SPTAN1: variants seen among roughly 807,000 people sequenced by gnomAD.
SPTAN1 encodes spectrin alpha chain, non-erythrocytic 1.
Under a neutral mutation model 331.3 loss-of-function variants are expected in SPTAN1, and 61 were observed. The observed-to-expected ratio is 0.18, with a 90% CI of 0.15 to 0.23. The LOEUF is 0.23. SPTAN1 is among the 10% of genes least tolerant of loss of function. The probability of loss-of-function intolerance (pLI) is 1.00; values close to 1 mark genes in which losing one functional copy is unlikely to be tolerated. For missense variants in SPTAN1, 2,043 were observed against 3,147.9 expected, an observed-to-expected ratio of 0.65 and a Z score of 8.40; for synonymous variants, 1,153 against 1,173.9, an observed-to-expected ratio of 0.98 and a Z score of 0.36.
Position 128,612,280 on chromosome 9 carries a change from G to A in SPTAN1, c.5043+34G>A, listed in dbSNP as rs1468550603. 3.1e-6 allele frequency: 5 copies of A among 1,613,844 alleles called. No homozygotes were observed. In the African/African-American group the frequency reaches 6.7e-5, roughly 22 times the overall value. On this transcript the variant is annotated intron_variant, in intron 39 of 56. Coordinates refer to ENST00000372739, the MANE Select transcript of SPTAN1 (RefSeq NM_001130438.3). ...GAGTGGTTCCTCTTCCTACCAGTGG[G>A]GGATTTCTAGTCATTTGGCACAGTG...
chr9:128,573,264 T>C (rs1365169653), intron 3 of SPTAN1, among the ~76,000 whole-genome samples: 2 of 152,230 alleles, frequency 1.3e-5, no homozygotes, highest in African/African-American at 4.8e-5. Context: ...AAGTCCTTAC[T>C]GGGCCTGTGT....
chr9:128,566,643 A>G (rs749896543), intron 1 of SPTAN1, 95 bp from the exon 2 acceptor site: 23 of 1,564,268 alleles, frequency 1.5e-5, no homozygotes, highest in Non-Finnish European at 1.8e-5. Flanking sequence ...TCCTGGGTTT[A>G]TCTGATAATT....
chr9:128,627,128 T>C lies in SPTAN1; in HGVS notation c.6577-258T>C. 2 of 601,998 alleles carry C rather than the reference T, an allele frequency of 3.3e-6. No individual in the cohort carries two copies. The highest frequency in any genetic ancestry group is 6.2e-6 in the Non-Finnish European group (2 of 323,836). The allele number at this position is 601,998 out of a possible 1,614,324, so 37.3% of individuals were successfully genotyped here. On this transcript the variant is annotated intron_variant, in intron 49 of 56. Transcript: ENST00000372739. This position sits in a 1 kb window ranked among gnomAD's most constrained non-coding sequence, Gnocchi z 4.9. The stretch of plus-strand genomic sequence containing the variant: ...GTACCCAGCCAGAAGTTTCCATTTC[T>C]GACAGTCCAGCAACTCCCTGCTTGA...
chr9:128,632,373 A>G, intron 53 of SPTAN1, 50 bp downstream of exon 53: 2 of 1,613,424 alleles, frequency 1.2e-6, no homozygotes, highest in Non-Finnish European at 1.7e-6. Context: ...GGGGGAGGAA[A>G]AGACACAGTC....
intron 1 of SPTAN1, among the ~76,000 whole-genome samples, chr9:128,563,715 C>CTTT (rs532597370): frequency 1.5e-5 from 2 of 133,534 alleles, no homozygotes; most frequent in African/African-American, 2.7e-5. Context: ...TCAACCATTT[C>CTTT]TTTTTTTTTT....
Position 128,627,465 on chromosome 9 carries a change from C to T in SPTAN1, c.6656C>T (p.Ala2219Val). Reference protein sequence around the residue: ...DKLRQEFAQHANAFHQWIQET... With the variant: ...DKLRQEFAQHVNAFHQWIQET... ...CTGCGCCAGGAGTTTGCCCAGCACG[C>T]CAACGCCTTCCACCAGTGGATCCAA... Residue 2219 changes from alanine to valine, a missense_variant, in exon 50 of 57, where the codon GCC becomes GTC. Coordinates refer to ENST00000372739, the MANE Select transcript of SPTAN1 (RefSeq NM_001130438.3). This position sits in a 1 kb window ranked among gnomAD's most constrained non-coding sequence, Gnocchi z 4.9. The T allele has an allele frequency of 6.4e-7, 1 of 1,551,132 alleles. No individual in the cohort carries two copies. The highest frequency in any genetic ancestry group is 8.7e-7 in the Non-Finnish European group (1 of 1,147,070).
chr9:128,630,626 T>TC, intron 52 of SPTAN1: 1 of 299,876 alleles, frequency 3.3e-6, no homozygotes, highest in Non-Finnish European at 5.7e-6. Context: ...ACCTCCCAGG[T>TC]CAAGCAATTC....
chr9:128,570,328 ATATTTTTTTTTTTT>A (rs1850538385), intron 3 of SPTAN1, among the ~76,000 whole-genome samples: 2 of 73,598 alleles, frequency 2.7e-5, no homozygotes, highest in African/African-American at 5.8e-5. Context: ...ATATATATAT[ATATTTTTTTTTTTT>A]TTTTTTTTTT....
Position 128,611,706 on chromosome 9 carries a change from A to G in SPTAN1, c.4774-8A>G. 1.9e-6 allele frequency: 3 copies of G among 1,613,834 alleles called. No homozygotes were observed. The highest frequency in any genetic ancestry group is 1.7e-6 in the Non-Finnish European group (2 of 1,179,984). ...CTGGTTTGGAAAAAATTTTTTTGGTATTTTTAGAGCAAGCACCAGAAGCAC... is the reference window on the plus strand; with the variant it reads ...CTGGTTTGGAAAAAATTTTTTTGGTGTTTTTAGAGCAAGCACCAGAAGCAC... On this transcript the variant is annotated splice_polypyrimidine_tract_variant and splice_region_variant and intron_variant, in intron 37 of 56. Transcript: ENST00000372739.
Position 128,627,544 on chromosome 9 carries a change from A to T in SPTAN1, c.6689+46A>T. On this transcript the variant is annotated intron_variant, in intron 50 of 56. Transcript: ENST00000372739. The surrounding 1 kb of genome is among the most constrained non-coding windows in gnomAD (Gnocchi z 4.9). ...GGGAGCAGCAGCATGTCCCTGCTGT[A>T]CTTAAGCCCTGGGGAGCTTCCAGCC... 6.7e-7 allele frequency: 1 copy of T among 1,502,178 alleles called. No individual in the cohort carries two copies. 93.1% of individuals were successfully genotyped at this position (1,502,178 alleles called of 1,614,324 possible).
rs569240602 is a variant in SPTAN1, at chr9:128,599,941, GA to G, written c.3544-138del. 1.2e-4 allele frequency: 109 copies of G among 873,796 alleles called. No homozygotes were observed. The African/African-American group carries it at 1.6e-3, about 12-fold the overall frequency. 54.1% of individuals were successfully genotyped at this position (873,796 alleles called of 1,614,324 possible). ...GTAGTTTGTTACCAGCCAAACTATG[GA>G]GGGAAAATGCTGTTTTGGTTAATGT... On this transcript the variant is annotated intron_variant, in intron 26 of 56. Coordinates refer to ENST00000372739, the MANE Select transcript of SPTAN1 (RefSeq NM_001130438.3).
chr9:128,618,945 A>T lies in SPTAN1; in HGVS notation c.5675A>T (p.Asn1892Ile), dbSNP rs1425744048. 6.2e-7 allele frequency: 1 copy of T among 1,614,144 alleles called. No homozygotes were observed. Among genetic ancestry groups the T allele is most frequent in the Non-Finnish European group, 8.5e-7 (1 of 1,180,000 alleles). The change falls in exon 44 of 57, where the codon AAT becomes ATT. Residue 1892 changes from asparagine to isoleucine, a missense_variant. Around this residue, in one of 12 missense-constraint regions of SPTAN1, gnomAD observed 323 missense variants for 581.1 expected, o/e 0.56. Transcript: ENST00000372739. The part of the protein sequence containing the change: ...ANVEEEEAWI[N>I]EKMTLVASED... ...GTGGAAGAGGAAGAAGCCTGGATCAATGAGAAAATGACCCTGGTGGCCAGC... is the reference window on the plus strand; with the variant it reads ...GTGGAAGAGGAAGAAGCCTGGATCATTGAGAAAATGACCCTGGTGGCCAGC...
In SPTAN1 at chr9:128,608,136, C is replaced by G. The variant is rs772533230; in HGVS notation, c.4351C>G (p.His1451Asp). 3.1e-6 allele frequency: 5 copies of G among 1,614,034 alleles called. No individual in the cohort carries two copies. In the African/African-American group the frequency reaches 6.7e-5, roughly 22 times the overall value. Residue 1451 changes from histidine (H) to aspartate (D), a missense_variant, in exon 34 of 57, where the codon CAT becomes GAT. By Grantham distance (81) the His-to-Asp change is moderately conservative. This residue lies in a region of SPTAN1 where 179 missense variants were observed against 215.7 expected (regional missense o/e 0.83). Transcript: ENST00000372739. ...LDQCLELQLFHRDCEQAENWM... is the reference protein window; with the variant it reads ...LDQCLELQLFDRDCEQAENWM... ...TGCCTCTTGCCCTCTTTAGCTGTTC[C>G]ATCGGGACTGTGAGCAAGCTGAGAA...
rs1589224403 is a variant in SPTAN1, at chr9:128,585,939, T to A, written c.2752T>A (p.Tyr918Asn). ...GGAACCCATTGTGGGCAGCACTGACTATGGCAAGGACGAAGACTCTGCTGA... is the reference window on the plus strand; with the variant it reads ...GGAACCCATTGTGGGCAGCACTGACAATGGCAAGGACGAAGACTCTGCTGA... Reference protein sequence around the residue: ...EKEPIVGSTDYGKDEDSAEAL... With the variant: ...EKEPIVGSTDNGKDEDSAEAL... The change falls in exon 19 of 57, where the codon TAT becomes AAT. Residue 918 changes from tyrosine (Y) to asparagine (N), a missense_variant. By Grantham distance (143) the Tyr-to-Asn change is moderately radical (BLOSUM62 -2). Around this residue, in one of 12 missense-constraint regions of SPTAN1, gnomAD observed 1,038 missense variants for 1,531.5 expected, o/e 0.68. Coordinates refer to ENST00000372739, the MANE Select transcript of SPTAN1 (RefSeq NM_001130438.3). 6.2e-7 allele frequency: 1 copy of A among 1,612,884 alleles called. No individual in the cohort carries two copies. Among genetic ancestry groups the A allele is most frequent in the Admixed American group, 1.7e-5 (1 of 60,008 alleles).
At chr9:128,556,232 T>A (rs1443615152) in intron 1 of SPTAN1, among the ~76,000 whole-genome samples, 1 of 151,654 alleles carries the variant, frequency 6.6e-6, no homozygotes, top group Non-Finnish European at 1.5e-5. Context: ...AAAAAAAAAA[T>A]TAAAAAACAG....
chr9:128,555,383 G>T (rs1315164321), intron 1 of SPTAN1: 1 of 1,289,364 alleles, frequency 7.8e-7, no homozygotes. Flanking sequence ...TCATCGTTTC[G>T]TAAACGCAGA....
chr9:128,556,300 A>C (rs1848635344), intron 1 of SPTAN1, among the ~76,000 whole-genome samples: 1 of 148,528 alleles, frequency 6.7e-6, no homozygotes, highest in Non-Finnish European at 1.5e-5. Context: ...GACCTTTTTC[A>C]CAAAAAAAAA....
intron 1 of SPTAN1, among the ~76,000 whole-genome samples, chr9:128,561,197 C>T (rs557326282): frequency 6.7e-6 from 1 of 149,378 alleles, no homozygotes; most frequent in South Asian, 2.1e-4. Context: ...GAAAGCCTGT[C>T]TCTTAAAAAG....
At chr9:128,633,138 G>A (rs1262633237) in intron 56 of SPTAN1, 71 bp from the exon 57 acceptor site, 1 of 1,610,598 alleles carries the variant, frequency 6.2e-7, no homozygotes, top group East Asian at 2.2e-5. Flanking sequence ...CCAGCATCCT[G>A]AGACCTGGGA....
Sources: gnomAD v4.1 joint callset for allele counts (sites outside exome capture counted in the v4.1 genomes callset) on GRCh38, gnomAD v4.1.1 for gene constraint, gnomAD v4.1.1 regional missense constraint, Gnocchi (gnomAD v3.1) non-coding constraint, MANE v1.5 for transcripts, NCBI Gene and HGNC (gene_info 2026-07-23, HGNC 2026-07-21) for gene names.